The following GRIN2A variants were observed in gnomAD, a reference collection of about 807,000 sequenced individuals.
The protein encoded by GRIN2A is glutamate receptor ionotropic, NMDA 2A.
Under a neutral mutation model 113.4 loss-of-function variants are expected in GRIN2A, and 22 were observed. The ratio of observed to expected loss-of-function variants is 0.19; its 90% CI spans 0.14 to 0.28. The LOEUF is 0.28. Ranked by LOEUF, GRIN2A falls within the 10% of genes least tolerant of loss-of-function variation. GRIN2A has a pLI of 1.00. For synonymous variants in GRIN2A, 827 were observed against 738.4 expected, an observed-to-expected ratio of 1.12 and a Z score of -1.94; for missense variants, 1,502 against 1,887.0, an observed-to-expected ratio of 0.80 and a Z score of 3.78.
At chr16:9,890,852 G>A (rs2043679376) in intron 4 of GRIN2A, 134 bp downstream of exon 4, 1 of 687,780 alleles carries the variant, frequency 1.5e-6, no homozygotes, top group Admixed American at 2.1e-5. Context: ...TTGCAAGAAA[G>A]ACGTGCTCTT....
At chr16:9,984,327 C>T (rs900937101) in intron 2 of GRIN2A, among the ~76,000 whole-genome samples, 1 of 151,914 alleles carries the variant, frequency 6.6e-6, no homozygotes, top group Non-Finnish European at 1.5e-5. Context: ...CAGGTTGTCT[C>T]TTCACTCTGA....
intron 2 of GRIN2A, among the ~76,000 whole-genome samples, chr16:10,028,518 C>T (rs975640048): frequency 7.2e-5 from 11 of 152,148 alleles, no homozygotes; most frequent in African/African-American, 2.7e-4. Flanking sequence ...TTCTCTCCTT[C>T]CTGCTTCCTG....
Position 10,182,351 on chromosome 16 carries a change from C to G in GRIN2A, c.-493G>C, listed in dbSNP as rs550136326. On this transcript the variant is annotated 5_prime_UTR_variant, in exon 1 of 13. Coordinates refer to ENST00000330684, the MANE Select transcript of GRIN2A (RefSeq NM_001134407.3). Reference sequence around the variant, plus strand: ...AACTGGGCACCTCCACCCGCACCCCCTACCACCTCCCCAGCGCCGGCTGCT... The same window carrying G: ...AACTGGGCACCTCCACCCGCACCCCGTACCACCTCCCCAGCGCCGGCTGCT... The G allele has an allele frequency of 6.6e-6, 1 of 152,476 alleles. No homozygotes were observed. The highest frequency in any genetic ancestry group is 2.1e-4 in the South Asian group (1 of 4,814). 9.4% of individuals were successfully genotyped at this position (152,476 alleles called of 1,614,324 possible).
chr16:9,964,579 AG>A (rs760210996), intron 2 of GRIN2A, among the ~76,000 whole-genome samples: 11 of 152,206 alleles, frequency 7.2e-5, no homozygotes, highest in Admixed American at 1.3e-4. Flanking sequence ...CGGAGGCCGT[AG>A]GGGAGAATCC....
chr16:9,815,766 G>A (rs1366063610), intron 10 of GRIN2A, among the ~76,000 whole-genome samples: 2 of 152,152 alleles, frequency 1.3e-5, no homozygotes, highest in Non-Finnish European at 2.9e-5. Flanking sequence ...TTTCACTTCT[G>A]CATATATACC....
At chr16:10,081,838 A>G (rs2047990091) in intron 2 of GRIN2A, among the ~76,000 whole-genome samples, 1 of 152,186 alleles carries the variant, frequency 6.6e-6, no homozygotes, top group Admixed American at 6.5e-5. Flanking sequence ...GGAACCTCCA[A>G]GGCCCTATGT....
intron 2 of GRIN2A, among the ~76,000 whole-genome samples, chr16:10,069,449 A>T (rs2047710151): frequency 6.6e-6 from 1 of 152,224 alleles, no homozygotes. Flanking sequence ...ACCAGGCTCA[A>T]GTGGTAGAGC....
At chr16:10,156,490 C>T (rs571245289) in intron 2 of GRIN2A, among the ~76,000 whole-genome samples, 2 of 152,248 alleles carry the variant, frequency 1.3e-5, no homozygotes, top group East Asian at 3.9e-4. Flanking sequence ...TGCAAGTAGG[C>T]ACAGATTTGC....
chr16:9,789,412 C>A (rs978318478), intron 11 of GRIN2A, among the ~76,000 whole-genome samples: 4 of 152,114 alleles, frequency 2.6e-5, no homozygotes, highest in African/African-American at 7.2e-5. Flanking sequence ...ATTCCAGAAC[C>A]CTCCCTAGAT....
intron 3 of GRIN2A, among the ~76,000 whole-genome samples, chr16:9,912,630 G>A (rs1178608361): frequency 6.6e-6 from 1 of 151,966 alleles, no homozygotes; most frequent in African/African-American, 2.4e-5. Flanking sequence ...TGTGCCAACT[G>A]GGATTCATGT....
At chr16:10,176,912 A>G (rs974427448) in intron 2 of GRIN2A, among the ~76,000 whole-genome samples, 13 of 152,210 alleles carry the variant, frequency 8.5e-5, no homozygotes, top group Non-Finnish European at 1.9e-4. Context: ...ACTGATAACC[A>G]AATTGACTAC....
intron 2 of GRIN2A, among the ~76,000 whole-genome samples, chr16:9,951,609 T>C (rs545716477): frequency 6.6e-6 from 1 of 152,300 alleles, no homozygotes; most frequent in South Asian, 2.1e-4. Flanking sequence ...AATTAAACTC[T>C]GAGCACAAAT....
chr16:10,108,691 C>G (rs923887969), intron 2 of GRIN2A, among the ~76,000 whole-genome samples: 2 of 152,180 alleles, frequency 1.3e-5, no homozygotes, highest in African/African-American at 4.8e-5. Flanking sequence ...CTCTTAACCA[C>G]TATAGATACT....
intron 2 of GRIN2A, among the ~76,000 whole-genome samples, chr16:10,127,557 C>T (rs1187472884): frequency 6.6e-6 from 1 of 152,190 alleles, no homozygotes; most frequent in Admixed American, 6.5e-5. Context: ...TCATTTCTAG[C>T]ATCATGGTAT....
At chr16:10,094,072 A>T (rs1218704615) in intron 2 of GRIN2A, among the ~76,000 whole-genome samples, 1 of 152,132 alleles carries the variant, frequency 6.6e-6, no homozygotes, top group Non-Finnish European at 1.5e-5. Flanking sequence ...CTGTCAGAAA[A>T]ATAATCTGAG....
At chr16:10,136,648 G>A (rs908895986) in intron 2 of GRIN2A, among the ~76,000 whole-genome samples, 3 of 151,896 alleles carry the variant, frequency 2.0e-5, no homozygotes, top group African/African-American at 4.8e-5. Context: ...TTCATATTTT[G>A]GATGAATTTA....
At chr16:10,033,293 G>A (rs550537871) in intron 2 of GRIN2A, among the ~76,000 whole-genome samples, 6 of 152,282 alleles carry the variant, frequency 3.9e-5, no homozygotes, top group African/African-American at 9.6e-5. Flanking sequence ...AAACACTGTA[G>A]AGCTTTGGCT....
At chr16:9,833,721 G>A (rs1053383795) in intron 8 of GRIN2A, among the ~76,000 whole-genome samples, 10 of 152,294 alleles carry the variant, frequency 6.6e-5, no homozygotes, top group Admixed American at 5.9e-4. Context: ...GCAGTATAAT[G>A]TATTCTTTGT....
intron 11 of GRIN2A, among the ~76,000 whole-genome samples, chr16:9,782,789 A>C (rs1455792342): frequency 6.6e-6 from 1 of 152,122 alleles, no homozygotes; most frequent in Non-Finnish European, 1.5e-5. Flanking sequence ...ACTGAGGAAG[A>C]CTCAGTGGCT....
Sources: gnomAD v4.1 joint callset for allele counts (sites outside exome capture counted in the v4.1 genomes callset) on GRCh38, gnomAD v4.1.1 for gene constraint, MANE v1.5 for transcripts, NCBI Gene and HGNC (gene_info 2026-07-23, HGNC 2026-07-21) for gene names.